LYPLA1: variants seen among roughly 807,000 people sequenced by gnomAD.
LYPLA1 encodes the protein acyl-protein thioesterase 1.
In LYPLA1, 17 loss-of-function variants were observed where a neutral mutation model predicts 34.0. The observed-to-expected ratio is 0.50, with a 90% CI of 0.34 to 0.75. LYPLA1 has a LOEUF of 0.75. Ranked by LOEUF, LYPLA1 falls within the 30% of genes least tolerant of loss-of-function variation. LYPLA1 has a pLI of 0.01. For synonymous variants in LYPLA1, 98 were observed against 100.8 expected (o/e 0.97, Z 0.17); for missense variants, 203 against 288.8 (o/e 0.70, Z 2.15).
intron 2 of LYPLA1, among the ~76,000 whole-genome samples, chr8:54,072,332 AT>A (rs1357504713): frequency 1.4e-4 from 22 of 152,344 alleles, no homozygotes; most frequent in African/African-American, 5.1e-4. Flanking sequence ...CTTGTCTAAG[AT>A]TTCATGGTGA....
chr8:54,085,681 G>A (rs1808679338), intron 2 of LYPLA1, among the ~76,000 whole-genome samples: 1 of 151,416 alleles, frequency 6.6e-6, no homozygotes, highest in Non-Finnish European at 1.5e-5. Flanking sequence ...CCCCGTCCGG[G>A]AGGTGAGGAG....
chr8:54,095,463 G>C (rs1235393637), intron 2 of LYPLA1, among the ~76,000 whole-genome samples: 1 of 151,548 alleles, frequency 6.6e-6, no homozygotes, highest in African/African-American at 2.4e-5. Flanking sequence ...ATAATATCAA[G>C]GTATCTCCCC....
At chr8:54,067,409 G>A (rs1384004661) in intron 2 of LYPLA1, among the ~76,000 whole-genome samples, 3 of 152,058 alleles carry the variant, frequency 2.0e-5, no homozygotes, top group African/African-American at 4.8e-5. Context: ...ATACATACAC[G>A]TTCAAAGCAG....
chr8:54,101,398 C>A (rs866201377), intron 1 of LYPLA1: 18 of 1,055,118 alleles, frequency 1.7e-5, no homozygotes, highest in Non-Finnish European at 2.1e-5. Flanking sequence ...GATAAGAGTG[C>A]GAGGTGACAA....
intron 2 of LYPLA1, among the ~76,000 whole-genome samples, chr8:54,092,585 T>A (rs905531040): frequency 2.0e-5 from 3 of 152,188 alleles, no homozygotes; most frequent in African/African-American, 7.2e-5. Context: ...CGAAGGTCTA[T>A]ACAGGTTATA....
At chr8:54,053,977 A>G (rs191784772) in intron 6 of LYPLA1, among the ~76,000 whole-genome samples, 1 of 152,182 alleles carries the variant, frequency 6.6e-6, no homozygotes, top group Admixed American at 6.5e-5. Context: ...GTTATTCTGG[A>G]TCATTATTAT....
intron 1 of LYPLA1, chr8:54,101,241 AACATCTC>A (rs1167244967): frequency 1.5e-6 from 1 of 687,382 alleles, no homozygotes; most frequent in African/African-American, 1.9e-5. Flanking sequence ...TGAAATCAGG[AACATCTC>A]ACATATCCTG....
chr8:54,086,310 C>G (rs1295861300), intron 2 of LYPLA1, among the ~76,000 whole-genome samples: 1 of 151,552 alleles, frequency 6.6e-6, no homozygotes, highest in African/African-American at 2.4e-5. Context: ...GGGCCCTCTG[C>G]CTAGGAAAAC....
In LYPLA1 at chr8:54,055,145, A is replaced by C. The variant is rs780897505; in HGVS notation, c.287-12T>G. 2.6e-6 allele frequency: 4 copies of C among 1,531,922 alleles called. No homozygotes were observed. Among genetic ancestry groups the C allele is most frequent in the Non-Finnish European group, 9.0e-7 (1 of 1,107,222 alleles). 94.9% of individuals were successfully genotyped at this position (1,531,922 alleles called of 1,614,324 possible). ...AATCAAAGCTTTTACTAAAAACAAC[A>C]TGAAAGTTAGTCAGCAATACTTTCA... On this transcript the variant is annotated splice_polypyrimidine_tract_variant and intron_variant, in intron 5 of 8. Coordinates refer to ENST00000316963, the MANE Select transcript of LYPLA1 (RefSeq NM_006330.4).
At chr8:54,093,618 A>T (rs181641075) in intron 2 of LYPLA1, among the ~76,000 whole-genome samples, 1 of 152,340 alleles carries the variant, frequency 6.6e-6, no homozygotes, top group East Asian at 1.9e-4. Flanking sequence ...GTGGTTATTT[A>T]TAATGGCAGC....
intron 2 of LYPLA1, among the ~76,000 whole-genome samples, chr8:54,066,083 C>T (rs1437678486): frequency 1.3e-5 from 2 of 152,076 alleles, no homozygotes; most frequent in Non-Finnish European, 2.9e-5. Flanking sequence ...ACTACAGGTG[C>T]CCGCCACCAC....
In LYPLA1 at chr8:54,100,945, A is replaced by T. The variant is rs750024013; in HGVS notation, c.70-6T>A. 3 of 1,607,738 alleles carry T rather than the reference A, an allele frequency of 1.9e-6. No individual in the cohort carries two copies. Among genetic ancestry groups the T allele is most frequent in the Non-Finnish European group, 1.7e-6 (2 of 1,174,286 alleles). ...AATCCATGCAGGAAAATCACCTATAAGAGAAGAGGAAAATTAATAAGCAAT... is the reference window on the plus strand; with the variant it reads ...AATCCATGCAGGAAAATCACCTATATGAGAAGAGGAAAATTAATAAGCAAT... On this transcript the variant is annotated splice_polypyrimidine_tract_variant and splice_region_variant and intron_variant, in intron 1 of 8. Coordinates refer to ENST00000316963, the MANE Select transcript of LYPLA1 (RefSeq NM_006330.4).
chr8:54,091,150 G>T (rs1809215828), intron 2 of LYPLA1, among the ~76,000 whole-genome samples: 2 of 152,138 alleles, frequency 1.3e-5, no homozygotes, highest in Non-Finnish European at 2.9e-5. Flanking sequence ...GATTACAGGT[G>T]TGAGCCACCA....
chr8:54,100,885 C>T (rs1810082844), intron 2 of LYPLA1, 23 bp downstream of exon 2: 2 of 1,593,602 alleles, frequency 1.3e-6, no homozygotes, highest in Admixed American at 1.7e-5. Context: ...ATTACTGTTA[C>T]TATTAATAAT....
intron 5 of LYPLA1, among the ~76,000 whole-genome samples, chr8:54,060,719 G>A (rs1806552072): frequency 8.3e-6 from 1 of 120,370 alleles, no homozygotes; most frequent in Admixed American, 1.0e-4. Context: ...TTGAGACACA[G>A]TCTCCCTCTG....
chr8:54,090,686 T>C (rs895231618), intron 2 of LYPLA1, among the ~76,000 whole-genome samples: 4 of 152,144 alleles, frequency 2.6e-5, no homozygotes, highest in African/African-American at 9.7e-5. Context: ...CTATCTTGTG[T>C]GTGTCTATTA....
chr8:54,101,898 G>C lies in LYPLA1; in HGVS notation c.-75C>G, dbSNP rs911259965. ...CGCGGCCCAAGGGCGTGCGAGCGGC[G>C]AGTCCCGGCCGGCCCCACCGGGCGC... On this transcript the variant is annotated 5_prime_UTR_variant, in exon 1 of 9. Coordinates refer to ENST00000316963, the MANE Select transcript of LYPLA1 (RefSeq NM_006330.4). 3.2e-6 allele frequency: 3 copies of C among 937,066 alleles called. No individual in the cohort carries two copies. Among genetic ancestry groups the C allele is most frequent in the East Asian group, 4.6e-5 (1 of 21,908 alleles). 58.0% of individuals were successfully genotyped at this position (937,066 alleles called of 1,614,324 possible). A position where few individuals can be genotyped will look rare whatever the true frequency, so the allele number is the denominator to read the frequency against.
chr8:54,091,557 A>G (rs1809267453), intron 2 of LYPLA1, among the ~76,000 whole-genome samples: 1 of 130,818 alleles, frequency 7.6e-6, no homozygotes, highest in South Asian at 2.6e-4. Flanking sequence ...AAAAGAAGAA[A>G]GGAAGGAAGG....
intron 7 of LYPLA1, among the ~76,000 whole-genome samples, chr8:54,051,896 G>C (rs563719009): frequency 1.2e-4 from 18 of 150,238 alleles, no homozygotes; most frequent in Non-Finnish European, 2.1e-4. Context: ...TGTTACCCAG[G>C]CTGGAGTGAA....
Sources: allele counts gnomAD v4.1 joint callset (sites outside exome capture counted in the v4.1 genomes callset), GRCh38; gene constraint gnomAD v4.1.1; transcripts MANE v1.5; gene names NCBI Gene and HGNC (gene_info 2026-07-23, HGNC 2026-07-21).